Variants in ATXN7L1 observed in about 807,000 individuals in gnomAD.
ATXN7L1 encodes the protein ataxin 7 like 1.
A neutral mutation model predicts 70.8 loss-of-function variants in ATXN7L1; 15 were observed. That is an observed-to-expected ratio of 0.21 (90% CI 0.14 to 0.33). ATXN7L1 has a LOEUF of 0.33. ATXN7L1 is among the 10% of genes least tolerant of loss of function. The probability of loss-of-function intolerance (pLI) is 1.00; values close to 1 mark genes in which losing one functional copy is unlikely to be tolerated. For missense variants in ATXN7L1, 975 were observed against 1,097.1 expected (o/e 0.89, Z 1.57); for synonymous variants, 440 against 445.1 (o/e 0.99, Z 0.14).
At chr7:105,873,896 G>C (rs1818636598) in intron 2 of ATXN7L1, among the ~76,000 whole-genome samples, 1 of 152,136 alleles carries the variant, frequency 6.6e-6, no homozygotes, top group South Asian at 2.1e-4. Context: ...GGGAGGCCAA[G>C]TGGGCAGATC....
chr7:105,774,136 C>T (rs1442060503), intron 3 of ATXN7L1, among the ~76,000 whole-genome samples: 10 of 152,098 alleles, frequency 6.6e-5, no homozygotes, highest in Non-Finnish European at 8.8e-5. Context: ...ACCACCAAAC[C>T]CTAGGGACCC....
intron 3 of ATXN7L1, among the ~76,000 whole-genome samples, chr7:105,678,442 G>C (rs1255496562): frequency 6.6e-6 from 1 of 152,180 alleles, no homozygotes; most frequent in Non-Finnish European, 1.5e-5. Flanking sequence ...CTGTGGGCCA[G>C]TCGCCTGCGT....
intron 3 of ATXN7L1, among the ~76,000 whole-genome samples, chr7:105,737,147 G>T (rs1486464984): frequency 6.6e-6 from 1 of 152,142 alleles, no homozygotes; most frequent in Admixed American, 6.5e-5. Flanking sequence ...CCTCTTTGGG[G>T]ACATTTTATT....
At chr7:105,818,616 T>C (rs114273479) in intron 2 of ATXN7L1, among the ~76,000 whole-genome samples, 268 of 152,340 alleles carry the variant, frequency 1.8e-3, no homozygotes, top group African/African-American at 6.3e-3. Context: ...AGGAACCATC[T>C]AGCTGACTTA....
At chr7:105,662,101 CTTTTCTTTTT>C (rs1562967896) in intron 4 of ATXN7L1, among the ~76,000 whole-genome samples, 99 of 110,598 alleles carry the variant, frequency 9.0e-4, no homozygotes, top group African/African-American at 3.1e-3. Context: ...CTTTTCTTTT[CTTTTCTTTTT>C]TTTTTTTTTA....
At chr7:105,843,854 T>A (rs564415459) in intron 2 of ATXN7L1, among the ~76,000 whole-genome samples, 1 of 152,318 alleles carries the variant, frequency 6.6e-6, no homozygotes, top group Admixed American at 6.5e-5. Flanking sequence ...TGTAAAAAGC[T>A]ACCCCAAAAC....
At chr7:105,725,714 G>A (rs1405769833) in intron 3 of ATXN7L1, among the ~76,000 whole-genome samples, 2 of 151,692 alleles carry the variant, frequency 1.3e-5, no homozygotes, top group East Asian at 3.9e-4. Flanking sequence ...TAGAGTAGCT[G>A]AGATTACAGG....
chr7:105,665,422 G>T, intron 3 of ATXN7L1, 134 bp from the exon 4 acceptor site: 1 of 686,614 alleles, frequency 1.5e-6, no homozygotes, highest in South Asian at 1.8e-5. Context: ...CTGAAGCCTA[G>T]GTTCTGATGA....
intron 2 of ATXN7L1, among the ~76,000 whole-genome samples, chr7:105,806,641 A>G (rs1807662158): frequency 6.6e-6 from 1 of 152,162 alleles, no homozygotes; most frequent in South Asian, 2.1e-4. Context: ...TTGTCTGACA[A>G]CAGGGTTAAG....
chr7:105,654,897 C>T (rs924860343), intron 4 of ATXN7L1, among the ~76,000 whole-genome samples: 4 of 150,252 alleles, frequency 2.7e-5, no homozygotes, highest in South Asian at 2.1e-4. Context: ...CACACCACTA[C>T]GCCTGGCTAA....
chr7:105,660,314 T>G (rs959128594), intron 4 of ATXN7L1, among the ~76,000 whole-genome samples: 1 of 152,050 alleles, frequency 6.6e-6, no homozygotes, highest in Non-Finnish European at 1.5e-5. Context: ...AAGTCCAAAT[T>G]CCTGAACTTA....
chr7:105,614,378 G>A lies in ATXN7L1; in HGVS notation c.1956C>T (p.Ser652=). Residue 652 remains serine (S), a synonymous_variant, in exon 10 of 12, where the codon TCC becomes TCT. Transcript: ENST00000419735. The surrounding 1 kb of genome is among the most constrained non-coding windows in gnomAD (Gnocchi z 4.3). ...AAGAGGAGGAGGAGGAGGAGGAGGA[G>A]GAAGTCGAAGACTGTGGCTTCCTTT... is the stretch of plus-strand genomic sequence containing the variant. ...NKKRKPQSST[S]SSSSSSSSSL... 1.9e-6 allele frequency: 3 copies of A among 1,551,662 alleles called. No homozygotes were observed. Among genetic ancestry groups the A allele is most frequent in the Non-Finnish European group, 1.7e-6 (2 of 1,146,736 alleles).
intron 3 of ATXN7L1, among the ~76,000 whole-genome samples, chr7:105,733,200 C>T (rs1234416614): frequency 1.3e-5 from 2 of 152,128 alleles, no homozygotes; most frequent in African/African-American, 4.8e-5. Context: ...ATAGTTGGCA[C>T]TCAAAAATAT....
chr7:105,698,862 T>G (rs192777972), intron 3 of ATXN7L1, among the ~76,000 whole-genome samples: 220 of 152,334 alleles, frequency 1.4e-3, no homozygotes, highest in African/African-American at 5.1e-3. Flanking sequence ...CTTTGCTATG[T>G]GTTTTAAATA....
chr7:105,766,297 A>G (rs754259372), intron 3 of ATXN7L1, among the ~76,000 whole-genome samples: 15 of 152,066 alleles, frequency 9.9e-5, no homozygotes, highest in Non-Finnish European at 1.8e-4. Flanking sequence ...AGCCACTTAC[A>G]GTGCGTGCAA....
intron 2 of ATXN7L1, among the ~76,000 whole-genome samples, chr7:105,848,838 A>G (rs182202266): frequency 6.6e-6 from 1 of 152,192 alleles, no homozygotes; most frequent in East Asian, 1.9e-4. Flanking sequence ...CCCAGTGACT[A>G]TTCTTCTAGC....
intron 3 of ATXN7L1, among the ~76,000 whole-genome samples, chr7:105,670,290 CA>C (rs1803343793): frequency 2.6e-5 from 4 of 152,296 alleles, no homozygotes; most frequent in Admixed American, 2.6e-4. Flanking sequence ...GAGGCTCAAT[CA>C]TGTCTTTCTA....
Position 105,606,060 on chromosome 7 carries a change from T to C in ATXN7L1, c.*1792A>G, listed in dbSNP as rs543141723. On this transcript the variant is annotated 3_prime_UTR_variant, in exon 12 of 12. Transcript: ENST00000419735. The stretch of plus-strand genomic sequence containing the variant: ...TAAAATCTCCTTAACCTTTTTTTTT[T>C]AAAAAAAGAAAAAGTAACAATCATC... The C allele has an allele frequency of 6.6e-6, 1 of 151,620 alleles. No homozygotes were observed. Among genetic ancestry groups the C allele is most frequent in the Non-Finnish European group, 1.5e-5 (1 of 67,922 alleles). The allele number at this position is 151,620 out of a possible 1,614,324, so 9.4% of individuals were successfully genotyped here. A position where few individuals can be genotyped will look rare whatever the true frequency, so the allele number is the denominator to read the frequency against.
intron 3 of ATXN7L1, among the ~76,000 whole-genome samples, chr7:105,704,585 T>TC (rs201845167): frequency 0.14 from 9,438 of 66,918 alleles, 464 homozygotes; most frequent in East Asian, 0.22. Flanking sequence ...GTTTTATCTC[T>TC]TTTTTTTTTT....
Sources: gnomAD v4.1 joint callset for allele counts (sites outside exome capture counted in the v4.1 genomes callset) on GRCh38, gnomAD v4.1.1 for gene constraint, Gnocchi (gnomAD v3.1) non-coding constraint, MANE v1.5 for transcripts, NCBI Gene and HGNC (gene_info 2026-07-23, HGNC 2026-07-21) for gene names.